Variants in SPRR2D observed in about 807,000 individuals in gnomAD.
SPRR2D encodes small proline-rich protein 2D.
For synonymous variants in SPRR2D, 43 were observed against 32.8 expected (o/e 1.31, Z -1.06); for missense variants, 81 against 87.2 (o/e 0.93, Z 0.28).
intron 1 of SPRR2D, chr1:153,040,821 T>C (rs1285969027): frequency 1.6e-5 from 3 of 182,990 alleles, no homozygotes; most frequent in South Asian, 2.2e-4. Flanking sequence ...CAGGAAAACA[T>C]GGGGAAAAAA....
chr1:153,040,019 C>T lies in SPRR2D; in HGVS notation c.*109G>A, dbSNP rs758093093. ...AGGCCACAGGTTAAGGAGAAAGAAG[C>T]TCCCTGTGCATCCATGGAAGGCTTT... On this transcript the variant is annotated 3_prime_UTR_variant, in exon 2 of 2. Transcript: ENST00000360379. 24 of 1,527,972 alleles carry T rather than the reference C, an allele frequency of 1.6e-5. No homozygotes were observed. The highest frequency in any genetic ancestry group is 2.3e-5 in the East Asian group (1 of 44,172). The allele number at this position is 1,527,972 out of a possible 1,614,324, so 94.7% of individuals were successfully genotyped here.
rs758375409 is a variant in SPRR2D, at chr1:153,040,112, A to G, written c.*16T>C. The G allele has an allele frequency of 5.0e-6, 8 of 1,610,518 alleles. No individual in the cohort carries two copies. Among genetic ancestry groups the G allele is most frequent in the Admixed American group, 1.7e-5 (1 of 59,910 alleles). Reference sequence around the variant, plus strand: ...TTATCCTTATCCTCTCATGCTCCTGATGAATCCTGAAGCTGTTACTTGCTC... The same window carrying G: ...TTATCCTTATCCTCTCATGCTCCTGGTGAATCCTGAAGCTGTTACTTGCTC... On this transcript the variant is annotated 3_prime_UTR_variant, in exon 2 of 2. Transcript: ENST00000360379.
In SPRR2D at chr1:153,040,134, G is replaced by T; in HGVS notation, c.213C>A (p.Ser71Arg). Residue 71 changes from serine (S) to arginine (R), a missense_variant, in exon 2 of 2, where the codon AGC becomes AGA. Ser to Arg is a moderately radical substitution (Grantham distance 110). Coordinates refer to ENST00000360379, the MANE Select transcript of SPRR2D (RefSeq NM_006945.5). ...PPCQPKCPPK[S>R]K The stretch of plus-strand genomic sequence containing the variant: ...CTGATGAATCCTGAAGCTGTTACTT[G>T]CTCTTGGGTGGACACTTTGGCTGGC... 2 of 1,612,588 alleles carry T rather than the reference G, an allele frequency of 1.2e-6. No individual in the cohort carries two copies. Among genetic ancestry groups the T allele is most frequent in the Non-Finnish European group, 1.7e-6 (2 of 1,179,762 alleles).
In SPRR2D at chr1:153,039,822, G is replaced by A. The variant is rs541547277; in HGVS notation, c.*306C>T. On this transcript the variant is annotated 3_prime_UTR_variant, in exon 2 of 2. Coordinates refer to ENST00000360379, the MANE Select transcript of SPRR2D (RefSeq NM_006945.5). The stretch of plus-strand genomic sequence containing the variant: ...CATGACCAGGTGACAGACAGACACA[G>A]AACACATCAACAGAATTGTCTGATG... 2 of 543,402 alleles carry A rather than the reference G, an allele frequency of 3.7e-6. No homozygotes were observed. Among genetic ancestry groups the A allele is most frequent in the East Asian group, 5.9e-5 (2 of 34,100 alleles). The allele number at this position is 543,402 out of a possible 1,614,324, so 33.7% of individuals were successfully genotyped here.
chr1:153,039,972 G>A lies in SPRR2D; in HGVS notation c.*156C>T. 7.2e-7 allele frequency: 1 copy of A among 1,397,288 alleles called. No homozygotes were observed. Among genetic ancestry groups the A allele is most frequent in the Non-Finnish European group, 9.7e-7 (1 of 1,034,930 alleles). 86.6% of individuals were successfully genotyped at this position (1,397,288 alleles called of 1,614,324 possible). On this transcript the variant is annotated 3_prime_UTR_variant, in exon 2 of 2. Transcript: ENST00000360379. ...GGCAGCCTCAGAAAGGGAATCTTTT[G>A]CTGTCACAGATCATCACAGGCAGGC...
Position 153,040,353 on chromosome 1 carries a change from G to A in SPRR2D, c.-7C>T. ...GCTGCTGTTGATAAGACATCCTGCT[G>A]GAGTCTCAGGATCTGAAAGAAATGA... On this transcript the variant is annotated 5_prime_UTR_variant, in exon 2 of 2. Coordinates refer to ENST00000360379, the MANE Select transcript of SPRR2D (RefSeq NM_006945.5). 1 of 1,611,224 alleles carries A rather than the reference G, an allele frequency of 6.2e-7. No homozygotes were observed. The highest frequency in any genetic ancestry group is 8.5e-7 in the Non-Finnish European group (1 of 1,179,850).
Position 153,040,253 on chromosome 1 carries a change from A to G in SPRR2D, c.94T>C (p.Cys32Arg). 1.9e-6 allele frequency: 3 copies of G among 1,612,580 alleles called. No homozygotes were observed. In the South Asian group the frequency reaches 3.3e-5, roughly 18 times the overall value. ...TTTGGTGATGGGCAGGGCTCAGGGC[A>G]CTTCGGGGGTGGACATGGCTCTGGG... ...KCPEPCPPPK[C>R]PEPCPSPKCP... Residue 32 changes from cysteine to arginine, a missense_variant, in exon 2 of 2, where the codon TGC becomes CGC. By Grantham distance (180) the Cys-to-Arg change is radical (BLOSUM62 -3). Transcript: ENST00000360379.
At chr1:153,040,403 C>A (rs1653959381) in intron 1 of SPRR2D, 38 bp from the exon 2 acceptor site, 19 of 1,607,784 alleles carry the variant, frequency 1.2e-5, no homozygotes, top group South Asian at 2.2e-5. Context: ...TGGGAAGGGA[C>A]TCCTCCAGAG....
intron 1 of SPRR2D, 47 bp from the exon 2 acceptor site, chr1:153,040,412 A>G: frequency 6.2e-7 from 1 of 1,606,588 alleles, no homozygotes; most frequent in African/African-American, 1.3e-5. Flanking sequence ...ACTCCTCCAG[A>G]GAGAGAAGCT....
At position 153,040,085 on chromosome 1, in the gene SPRR2D, A is replaced by T; in HGVS notation, c.*43T>A. On this transcript the variant is annotated 3_prime_UTR_variant, in exon 2 of 2. Coordinates refer to ENST00000360379, the MANE Select transcript of SPRR2D (RefSeq NM_006945.5). ...GTGGAGCTGTGGAACGAGGTGAGCC[A>T]ATTATCCTTATCCTCTCATGCTCCT... 2 of 1,592,148 alleles carry T rather than the reference A, an allele frequency of 1.3e-6. No homozygotes were observed. Among genetic ancestry groups the T allele is most frequent in the Non-Finnish European group, 1.7e-6 (2 of 1,169,038 alleles).
intron 1 of SPRR2D, chr1:153,040,729 C>G (rs1653967566): frequency 3.0e-6 from 1 of 329,096 alleles, no homozygotes. Flanking sequence ...AGTGGGTTGA[C>G]TTGAGCACAG....
chr1:153,040,293 G>T lies in SPRR2D; in HGVS notation c.54C>A (p.Cys18Ter). 1 of 1,612,254 alleles carries T rather than the reference G, an allele frequency of 6.2e-7. No individual in the cohort carries two copies. The highest frequency in any genetic ancestry group is 8.5e-7 in the Non-Finnish European group (1 of 1,179,838). The change falls in exon 2 of 2, where the codon TGC becomes TGA. Residue 18 changes from cysteine (C) to a stop codon, truncating the protein, a stop_gained. Transcript: ENST00000360379. LOFTEE classifies it low-confidence loss of function (END_TRUNC). ...ATGGCTCTGGGCACTTTGGCGTGGG[G>T]CACACAGGAGGTGGCTGGCAGGGCT... ...CKQPCQPPPVCPTPKCPEPCP... is the reference protein window; with the variant it reads ...CKQPCQPPPV
chr1:153,040,690 T>TCTCTTATC (rs370069510), intron 1 of SPRR2D: 14,842 of 426,486 alleles, frequency 0.035, 399 homozygotes, highest in Non-Finnish European at 0.048. Flanking sequence ...ACAAGCCATT[T>TCTCTTATC]CTCTTATCAT....
intron 1 of SPRR2D, 199 bp from the exon 2 acceptor site, chr1:153,040,564 C>G: frequency 1.0e-6 from 1 of 955,094 alleles, no homozygotes; most frequent in Non-Finnish European, 1.5e-6. Flanking sequence ...CTTGTGTTTT[C>G]TCATACAATT....
rs867963711 is a variant in SPRR2D at position 153,040,679 on chromosome 1, C to T, written c.-19-314G>A. ...CAAGTTCAGATACCATGAGCAATCTCACAAGCCATTTCTCTTATCATTATC... is the reference window on the plus strand; with the variant it reads ...CAAGTTCAGATACCATGAGCAATCTTACAAGCCATTTCTCTTATCATTATC... On this transcript the variant is annotated intron_variant, in intron 1 of 1. Transcript: ENST00000360379. The T allele has an allele frequency of 2.4e-5, 11 of 459,172 alleles. No individual in the cohort carries two copies. In the Middle Eastern group the frequency reaches 2.5e-3, roughly 106 times the overall value. The allele number at this position is 459,172 out of a possible 1,614,324, so 28.4% of individuals were successfully genotyped here.
chr1:153,040,129 T>C lies in SPRR2D; in HGVS notation c.218A>G (p.Ter73=). Residue 73 remains the stop codon, a stop_retained_variant, in exon 2 of 2, where the codon TAA becomes TGA. Transcript: ENST00000360379. ...TGCTCCTGATGAATCCTGAAGCTGT[T>C]ACTTGCTCTTGGGTGGACACTTTGG... The part of the protein sequence containing the change: ...CQPKCPPKSK[*] The C allele has an allele frequency of 6.2e-7, 1 of 1,612,416 alleles. No individual in the cohort carries two copies.
intron 1 of SPRR2D, 141 bp downstream of exon 1, chr1:153,040,937 G>A (rs1015415596): frequency 6.3e-6 from 1 of 158,386 alleles, no homozygotes; most frequent in African/African-American, 2.4e-5. Context: ...GCATATCACT[G>A]TACTCTAAAT....
chr1:153,040,513 C>T (rs1653962655), intron 1 of SPRR2D, 148 bp from the exon 2 acceptor site: 3 of 1,376,856 alleles, frequency 2.2e-6, no homozygotes, highest in Non-Finnish European at 2.9e-6. Flanking sequence ...CTTCGTTTCT[C>T]CCTTCCACTT....
At chr1:153,040,887 G>C (rs774281336) in intron 1 of SPRR2D, 191 bp downstream of exon 1, 1 of 173,422 alleles carries the variant, frequency 5.8e-6, no homozygotes, top group Non-Finnish European at 1.3e-5. Context: ...TTCTCTGTCC[G>C]TATGGACACC....
Sources: gnomAD v4.1 joint callset for allele counts on GRCh38, gnomAD v4.1.1 for gene constraint, MANE v1.5 for transcripts, NCBI Gene and HGNC (gene_info 2026-07-23, HGNC 2026-07-21) for gene names.